ATRNL1: variants seen among roughly 807,000 people sequenced by gnomAD.
ATRNL1 encodes the protein attractin like 1, also known as attractin-like protein 1.
Under a neutral mutation model 182.7 loss-of-function variants are expected in ATRNL1, and 95 were observed. That is an observed-to-expected ratio of 0.52 (90% CI 0.44 to 0.62). The LOEUF (loss-of-function observed/expected upper bound fraction) is 0.62. ATRNL1 is among the 20% of genes least tolerant of loss of function. The pLI is 0.00. For synonymous variants in ATRNL1, 576 were observed against 568.3 expected (o/e 1.01, Z -0.19); for missense variants, 1,471 against 1,679.5 (o/e 0.88, Z 2.17).
chr10:115,411,737 A>G (rs1331324107), intron 20 of ATRNL1, among the ~76,000 whole-genome samples: 2 of 152,164 alleles, frequency 1.3e-5, no homozygotes, highest in Admixed American at 1.3e-4. Flanking sequence ...TTTATATTTA[A>G]ATGTTTTACA....
intron 8 of ATRNL1, among the ~76,000 whole-genome samples, chr10:115,201,430 G>T (rs1359957935): frequency 5.9e-4 from 90 of 152,226 alleles, no homozygotes; most frequent in Middle Eastern, 3.4e-3. Context: ...AAGGGATCCA[G>T]TTTCAGCTTT....
chr10:115,712,983 T>C (rs1189285528), intron 26 of ATRNL1, among the ~76,000 whole-genome samples: 2 of 152,222 alleles, frequency 1.3e-5, no homozygotes, highest in African/African-American at 4.8e-5. Context: ...AGTTTCCATT[T>C]ATCCCAACCC....
chr10:115,094,070 C>T (rs2084947369), intron 1 of ATRNL1, 27 bp downstream of exon 1: 3 of 1,412,126 alleles, frequency 2.1e-6, no homozygotes, highest in Non-Finnish European at 2.8e-6. Flanking sequence ...GACCCCGAAC[C>T]TCCAGCCCTG....
At chr10:115,508,825 T>C (rs1554981944) in intron 24 of ATRNL1, among the ~76,000 whole-genome samples, 1 of 152,022 alleles carries the variant, frequency 6.6e-6, no homozygotes, top group African/African-American at 2.4e-5. Context: ...AGTGCTGATA[T>C]AGAAGATACA....
intron 12 of ATRNL1, 127 bp downstream of exon 12, chr10:115,267,132 G>T: frequency 4.9e-6 from 3 of 607,440 alleles, no homozygotes; most frequent in South Asian, 4.9e-5. Context: ...ACCCTAATTA[G>T]GAATTCTAAT....
At chr10:115,459,737 C>T (rs1847702357) in intron 21 of ATRNL1, among the ~76,000 whole-genome samples, 1 of 152,038 alleles carries the variant, frequency 6.6e-6, no homozygotes, top group Admixed American at 6.6e-5. Flanking sequence ...TGTCTGTCAC[C>T]CACACCTATT....
chr10:115,235,404 C>CT (rs1328596419), intron 9 of ATRNL1, among the ~76,000 whole-genome samples: 1 of 152,140 alleles, frequency 6.6e-6, no homozygotes, highest in Non-Finnish European at 1.5e-5. Flanking sequence ...TCTCCATCTT[C>CT]TGGCAACCAC....
At chr10:115,228,287 G>T (rs757667641) in intron 9 of ATRNL1, among the ~76,000 whole-genome samples, 4 of 152,142 alleles carry the variant, frequency 2.6e-5, no homozygotes, top group Admixed American at 6.5e-5. Context: ...ATAAGTAAGA[G>T]AGAATAAACA....
intron 26 of ATRNL1, among the ~76,000 whole-genome samples, chr10:115,590,163 A>G (rs1464298542): frequency 6.6e-6 from 1 of 152,230 alleles, no homozygotes; most frequent in Non-Finnish European, 1.5e-5. Context: ...GCCATAGGCC[A>G]CAGAAATTTA....
At chr10:115,722,401 A>T (rs1947457512) in intron 26 of ATRNL1, among the ~76,000 whole-genome samples, 1 of 152,188 alleles carries the variant, frequency 6.6e-6, no homozygotes, top group African/African-American at 2.4e-5. Context: ...CTGAACAAGA[A>T]TTTGAACCTT....
chr10:115,928,886 A>T (rs1261144435), intron 28 of ATRNL1, among the ~76,000 whole-genome samples: 1 of 152,016 alleles, frequency 6.6e-6, no homozygotes, highest in Non-Finnish European at 1.5e-5. Flanking sequence ...GAATGATTTT[A>T]GAAACATGTC....
chr10:115,698,675 G>T (rs1946638312), intron 26 of ATRNL1, among the ~76,000 whole-genome samples: 1 of 152,054 alleles, frequency 6.6e-6, no homozygotes, highest in African/African-American at 2.4e-5. Flanking sequence ...CTACTCGGGA[G>T]GCTGAGGCAG....
intron 18 of ATRNL1, among the ~76,000 whole-genome samples, chr10:115,328,514 T>C (rs1021271101): frequency 2.0e-5 from 3 of 152,146 alleles, no homozygotes; most frequent in Admixed American, 2.0e-4. Context: ...TTGTACTCTA[T>C]TGCATCATAG....
chr10:115,499,084 C>A (rs889879163), intron 24 of ATRNL1, among the ~76,000 whole-genome samples: 2 of 152,170 alleles, frequency 1.3e-5, no homozygotes, highest in South Asian at 4.1e-4. Context: ...ATCTGAGAAT[C>A]TTCAAGAAAT....
At chr10:115,455,946 C>T (rs577937507) in intron 21 of ATRNL1, among the ~76,000 whole-genome samples, 2 of 152,246 alleles carry the variant, frequency 1.3e-5, no homozygotes, top group African/African-American at 2.4e-5. Context: ...CACCATCTCA[C>T]ACCAGTTAGA....
At chr10:115,624,050 C>A (rs1339516381) in intron 26 of ATRNL1, among the ~76,000 whole-genome samples, 2 of 150,522 alleles carry the variant, frequency 1.3e-5, no homozygotes, top group Admixed American at 6.6e-5. Flanking sequence ...TTTCTATACC[C>A]ACATAGTCAT....
At chr10:115,941,695 G>T (rs1460512219) in intron 28 of ATRNL1, among the ~76,000 whole-genome samples, 1 of 152,166 alleles carries the variant, frequency 6.6e-6, no homozygotes, top group South Asian at 2.1e-4. Context: ...GAATAAAATA[G>T]CAGGAAGTTG....
At chr10:115,542,790 A>T (rs1440099183) in intron 25 of ATRNL1, among the ~76,000 whole-genome samples, 2 of 152,106 alleles carry the variant, frequency 1.3e-5, no homozygotes, top group African/African-American at 4.8e-5. Flanking sequence ...AGATCAGGGT[A>T]CCAGTTGTTG....
At chr10:115,542,483 T>A (rs1383165210) in intron 25 of ATRNL1, among the ~76,000 whole-genome samples, 2 of 152,066 alleles carry the variant, frequency 1.3e-5, no homozygotes, top group Admixed American at 6.6e-5. Flanking sequence ...CAATGTTTGG[T>A]AAGGAGTGGG....
Sources: allele counts gnomAD v4.1 joint callset (sites outside exome capture counted in the v4.1 genomes callset), GRCh38; gene constraint gnomAD v4.1.1; transcripts MANE v1.5; gene names NCBI Gene and HGNC (gene_info 2026-07-23, HGNC 2026-07-21).